RESP18: variants seen among roughly 807,000 people sequenced by gnomAD.
RESP18 encodes the protein regulated endocrine specific protein 18.
A neutral mutation model predicts 30.0 loss-of-function variants in RESP18; 30 were observed. The observed-to-expected ratio is 1.00, with a 90% CI of 0.75 to 1.36. RESP18 has a LOEUF of 1.36. RESP18 is among the 40% of genes most tolerant of loss of function. The pLI, the probability that RESP18 is intolerant of heterozygous loss-of-function variation, is 0.00. For missense variants in RESP18, 320 were observed against 284.2 expected (o/e 1.13, Z -0.91); for synonymous variants, 117 against 111.2 (o/e 1.05, Z -0.33).
At chr2:219,330,532 TTTG>T (rs569886468) in intron 3 of RESP18, among the ~76,000 whole-genome samples, 12,392 of 147,636 alleles carry the variant, frequency 0.084, 1,321 homozygotes, top group African/African-American at 0.26. Context: ...CGTTTTCAGT[TTTG>T]TTTTTTTTTT....
At chr2:219,330,656 GTT>G in intron 3 of RESP18, 113 bp downstream of exon 2, 1 of 655,002 alleles carries the variant, frequency 1.5e-6, no homozygotes, top group African/African-American at 1.9e-5. Flanking sequence ...ATGTGACAAA[GTT>G]TTAAGTAGAG....
chr2:219,332,208 CTT>C (rs979531727), intron 2 of RESP18, among the ~76,000 whole-genome samples: 4 of 152,198 alleles, frequency 2.6e-5, no homozygotes, highest in African/African-American at 9.7e-5. Flanking sequence ...CTGGTCAACT[CTT>C]TTTCTGGCCT....
Position 219,328,916 on chromosome 2 carries a change from A to G in RESP18, c.640+8T>C. The G allele has an allele frequency of 6.5e-7, 1 of 1,539,322 alleles. No homozygotes were observed. Among genetic ancestry groups the G allele is most frequent in the Non-Finnish European group, 8.8e-7 (1 of 1,136,568 alleles). ...TGTTTCAATGCCTATTTTAAACTCAATACTTACGCATGATCTTATAGATAA... is the reference window on the plus strand; with the variant it reads ...TGTTTCAATGCCTATTTTAAACTCAGTACTTACGCATGATCTTATAGATAA... On this transcript the variant is annotated splice_region_variant and intron_variant, in intron 6 of 6. Transcript: ENST00000333527.
intron 3 of RESP18, 116 bp from the exon 3 acceptor site, chr2:219,329,880 A>G (rs1400508612): frequency 4.6e-6 from 5 of 1,076,252 alleles, no homozygotes; most frequent in Non-Finnish European, 6.6e-6. Flanking sequence ...AGAGAATTAA[A>G]CAAGATGATG....
rs193101886 is a variant in RESP18, at chr2:219,327,413, T to G, written c.*104A>C. 5.8e-5 allele frequency: 62 copies of G among 1,076,334 alleles called. No homozygotes were observed. The highest frequency in any genetic ancestry group is 7.8e-5 in the East Asian group (3 of 38,368). The allele number at this position is 1,076,334 out of a possible 1,614,324, so 66.7% of individuals were successfully genotyped here. ...CCTCAAGACAAACTCAGTGTTTGCA[T>G]GAGAGTCTACTTTAATGATTCAAAT... On this transcript the variant is annotated 3_prime_UTR_variant, in exon 7 of 7. Transcript: ENST00000333527.
chr2:219,332,575 A>G lies in RESP18; in HGVS notation c.181T>C (p.Phe61Leu). Residue 61 changes from phenylalanine to leucine, a missense_variant, in exon 2 of 7, where the codon TTC (phenylalanine) becomes CTC (leucine). By Grantham distance (22) the Phe-to-Leu change is conservative. Coordinates refer to ENST00000333527, the MANE Select transcript of RESP18 (RefSeq NM_001007089.4). ...CCCGGGCAGCTGTTCAGCAGCAGGAAGCAGACAAGCAGCTGGAGCCCCTCG... is the reference window on the plus strand; with the variant it reads ...CCCGGGCAGCTGTTCAGCAGCAGGAGGCAGACAAGCAGCTGGAGCCCCTCG... 1 of 1,551,410 alleles carries G rather than the reference A, an allele frequency of 6.4e-7. No homozygotes were observed. Among genetic ancestry groups the G allele is most frequent in the Non-Finnish European group, 8.7e-7 (1 of 1,146,968 alleles).
At chr2:219,332,378 TA>T (rs1952840252) in intron 2 of RESP18, 145 bp downstream of exon 1, 1 of 648,560 alleles carries the variant, frequency 1.5e-6, no homozygotes, top group Non-Finnish European at 2.6e-6. Context: ...CTCTTTCCGC[TA>T]GACGCTGTCT....
At chr2:219,331,329 G>C (rs1416864059) in intron 2 of RESP18, among the ~76,000 whole-genome samples, 1 of 152,000 alleles carries the variant, frequency 6.6e-6, no homozygotes, top group Non-Finnish European at 1.5e-5. Flanking sequence ...TTTTCCTGAA[G>C]CCCACAGTTT....
At chr2:219,328,166 C>A (rs955723928) in intron 6 of RESP18, among the ~76,000 whole-genome samples, 2 of 152,236 alleles carry the variant, frequency 1.3e-5, no homozygotes, top group Non-Finnish European at 2.9e-5. Context: ...AATCATATCA[C>A]GTTGTGACAT....
At chr2:219,327,589 T>C in intron 6 of RESP18, 26 bp from the exon 6 acceptor site, 1 of 1,547,688 alleles carries the variant, frequency 6.5e-7, no homozygotes, top group Non-Finnish European at 8.7e-7. Context: ...ACAAGGGAGC[T>C]AGAGTCAGGA....
intron 6 of RESP18, among the ~76,000 whole-genome samples, chr2:219,328,359 G>A (rs1185681520): frequency 1.3e-5 from 2 of 152,132 alleles, no homozygotes; most frequent in East Asian, 1.9e-4. Flanking sequence ...CAGGACATTC[G>A]TAGTGGCAAT....
At chr2:219,329,853 A>G (rs1232984038) in intron 3 of RESP18, 89 bp from the exon 3 acceptor site, 14 of 1,269,864 alleles carry the variant, frequency 1.1e-5, no homozygotes, top group African/African-American at 1.5e-5. Flanking sequence ...TCAAGTATAT[A>G]TTAGATTACA....
At position 219,332,685 on chromosome 2, in the gene RESP18, A is replaced by G. The variant is rs771980891; in HGVS notation, c.71T>C (p.Val24Ala). ...CCAAGTCTCAGTGAAGGTAGCGGCC[A>G]CGGCCGAGGGGCTGAGCGGGGCTGC... is the stretch of plus-strand genomic sequence containing the variant. The change falls in exon 2 of 7, where the codon GTG becomes GCG. Residue 24 changes from valine (V) to alanine (A), a missense_variant. Physicochemically the swap from Val to Ala is moderately conservative, Grantham distance 64 (BLOSUM62 0). Transcript: ENST00000333527. 7.1e-6 allele frequency: 11 copies of G among 1,550,902 alleles called. No homozygotes were observed. In the South Asian group the frequency reaches 1.1e-4, roughly 15 times the overall value.
chr2:219,329,155 C>T lies in RESP18; in HGVS notation c.555+8G>A. 6.5e-7 allele frequency: 1 copy of T among 1,550,272 alleles called. No homozygotes were observed. The stretch of plus-strand genomic sequence containing the variant: ...GTCCAACCTCCCTAGAAAAAGTGAG[C>T]CCCTCACCTTGACAGGGTTGGCCAC... On this transcript the variant is annotated splice_region_variant and intron_variant, in intron 5 of 6. Transcript: ENST00000333527.
In RESP18 at chr2:219,332,244, T is replaced by C. The variant is rs543873611; in HGVS notation, c.232+280A>G. ...CTTTCTTGCTTCTCCTGTGGCCACA[T>C]AGGCCAGTTTTACCTCTCTCTGTTC... On this transcript the variant is annotated intron_variant, in intron 2 of 6. Transcript: ENST00000333527. Among the ~76,000 whole-genome samples the C allele has an allele frequency of 1.2e-3, 178 of 152,266 alleles. 2 individuals carry two copies. The highest frequency in any genetic ancestry group is 4.2e-3 in the African/African-American group (173 of 41,564).
In RESP18 at chr2:219,332,880, C is replaced by A. The variant is rs370159776; in HGVS notation, c.18-142G>T. On this transcript the variant is annotated intron_variant, in intron 1 of 6. Transcript: ENST00000333527. ...GGCTCCTTTCGGGCATTAGCTGGGT[C>A]CCAAGAACCACCGCCTGTACTCCCA... 4.4e-5 allele frequency: 33 copies of A among 745,846 alleles called. No individual in the cohort carries two copies. The African/African-American group carries it at 5.7e-4, about 13-fold the overall frequency. The allele number at this position is 745,846 out of a possible 1,614,324, so 46.2% of individuals were successfully genotyped here.
intron 2 of RESP18, among the ~76,000 whole-genome samples, chr2:219,331,457 T>G (rs1484911706): frequency 1.3e-5 from 2 of 152,172 alleles, no homozygotes; most frequent in Non-Finnish European, 2.9e-5. Context: ...TTTTTTGCTA[T>G]AGTGTAGTTA....
rs1346151333 is a variant in RESP18, at chr2:219,330,798, C to T, written c.310G>A (p.Val104Ile). 1.3e-6 allele frequency: 2 copies of T among 1,551,246 alleles called. No individual in the cohort carries two copies. The highest frequency in any genetic ancestry group is 3.9e-5 in the Admixed American group (2 of 50,962). Reference sequence around the variant, plus strand: ...TGGGGTATAATCTGCTGGAGCACAACCTGTAAATGCTGGAAGACTGGGGTG... The same window carrying T: ...TGGGGTATAATCTGCTGGAGCACAATCTGTAAATGCTGGAAGACTGGGGTG... The change falls in exon 3 of 7, where the codon GTT (valine) becomes ATT (isoleucine). Residue 104 changes from valine (V) to isoleucine (I), a missense_variant. By Grantham distance (29) the Val-to-Ile change is conservative. Coordinates refer to ENST00000333527, the MANE Select transcript of RESP18 (RefSeq NM_001007089.4).
intron 1 of RESP18, chr2:219,333,115 AATAT>A (rs1186206697): frequency 3.9e-6 from 4 of 1,030,862 alleles, no homozygotes; most frequent in South Asian, 6.6e-5. Flanking sequence ...ATATATATAT[AATAT>A]TATATATTAT....
Sources: gnomAD v4.1 joint callset for allele counts (sites outside exome capture counted in the v4.1 genomes callset) on GRCh38, gnomAD v4.1.1 for gene constraint, MANE v1.5 for transcripts, NCBI Gene and HGNC (gene_info 2026-07-23, HGNC 2026-07-21) for gene names.